The following RUNX2 variants were observed in gnomAD, a reference collection of about 807,000 sequenced individuals.
The protein encoded by RUNX2 is runt-related transcription factor 2.
A neutral mutation model predicts 51.7 loss-of-function variants in RUNX2; 10 were observed. The observed-to-expected ratio is 0.19, with a 90% CI of 0.12 to 0.33. The LOEUF (loss-of-function observed/expected upper bound fraction) is 0.33, where lower values mean the gene tolerates loss of function less well. Among genes scored for constraint, RUNX2 ranks in the 10% least tolerant of loss-of-function variants. The pLI, the probability that RUNX2 is intolerant of heterozygous loss-of-function variation, is 1.00. For synonymous variants in RUNX2, 276 were observed against 273.6 expected (o/e 1.01, Z -0.09); for missense variants, 562 against 691.3 (o/e 0.81, Z 2.10).
At chr6:45,424,381 C>T (rs895680967) in intron 3 of RUNX2, among the ~76,000 whole-genome samples, 2 of 152,194 alleles carry the variant, frequency 1.3e-5, no homozygotes, top group Admixed American at 1.3e-4. Context: ...TCCACACTCG[C>T]AAGACGCCAG....
intron 6 of RUNX2, among the ~76,000 whole-genome samples, chr6:45,508,923 G>A (rs1801060201): frequency 6.6e-6 from 1 of 152,144 alleles, no homozygotes; most frequent in African/African-American, 2.4e-5. Context: ...TGAGTACTAT[G>A]TGCAAGGCAT....
At chr6:45,467,295 T>A (rs564751584) in intron 5 of RUNX2, among the ~76,000 whole-genome samples, 1 of 152,326 alleles carries the variant, frequency 6.6e-6, no homozygotes. Flanking sequence ...TTACTTTTAT[T>A]TTTTGAGACG....
intron 2 of RUNX2, among the ~76,000 whole-genome samples, chr6:45,348,403 A>C (rs1327501636): frequency 6.6e-6 from 1 of 151,664 alleles, no homozygotes; most frequent in East Asian, 1.9e-4. Flanking sequence ...ACGGTGGCTC[A>C]CGCCTGTAAT....
At chr6:45,388,237 A>G (rs183721315) in intron 2 of RUNX2, among the ~76,000 whole-genome samples, 3 of 152,096 alleles carry the variant, frequency 2.0e-5, no homozygotes, top group Non-Finnish European at 1.5e-5. Flanking sequence ...GAAGCAGACC[A>G]TACCTAATGA....
At chr6:45,524,339 A>G (rs561231392) in intron 7 of RUNX2, among the ~76,000 whole-genome samples, 11 of 152,316 alleles carry the variant, frequency 7.2e-5, no homozygotes, top group African/African-American at 2.6e-4. Flanking sequence ...TTTTTTAAGT[A>G]GAAACATGCC....
At chr6:45,422,980 GC>G (rs775199416) in intron 3 of RUNX2, 23 bp downstream of exon 3, 1 of 1,603,218 alleles carries the variant, frequency 6.2e-7, no homozygotes, top group South Asian at 1.1e-5. Flanking sequence ...ACCGCCCCCC[GC>G]CCCCGGCCGG....
At chr6:45,469,766 C>T (rs759657599) in intron 5 of RUNX2, among the ~76,000 whole-genome samples, 5 of 152,148 alleles carry the variant, frequency 3.3e-5, no homozygotes, top group South Asian at 2.1e-4. Context: ...AAAGAGTAAG[C>T]GAGATTTCCA....
At chr6:45,409,999 G>C (rs1360933074) in intron 2 of RUNX2, among the ~76,000 whole-genome samples, 4 of 152,182 alleles carry the variant, frequency 2.6e-5, no homozygotes, top group Non-Finnish European at 4.4e-5. Flanking sequence ...TGGGGCAAGA[G>C]ATATCAGGAA....
intron 2 of RUNX2, among the ~76,000 whole-genome samples, chr6:45,370,155 T>G (rs1795812669): frequency 6.6e-6 from 1 of 152,166 alleles, no homozygotes; most frequent in African/African-American, 2.4e-5. Flanking sequence ...GAAGACCAGT[T>G]AGGAAGTTAT....
At chr6:45,347,899 A>C (rs1791215194) in intron 2 of RUNX2, among the ~76,000 whole-genome samples, 1 of 152,162 alleles carries the variant, frequency 6.6e-6, no homozygotes, top group Non-Finnish European at 1.5e-5. Context: ...GAATGTCAGT[A>C]TGGTTACCTG....
intron 5 of RUNX2, among the ~76,000 whole-genome samples, chr6:45,440,585 G>T (rs894589242): frequency 7.2e-5 from 11 of 152,224 alleles, no homozygotes; most frequent in African/African-American, 1.9e-4. Flanking sequence ...TACATTCATG[G>T]TCATGGCTAT....
chr6:45,519,649 G>GT (rs1315735758), intron 7 of RUNX2, among the ~76,000 whole-genome samples: 1 of 151,890 alleles, frequency 6.6e-6, no homozygotes, highest in African/African-American at 2.4e-5. Context: ...CATACAATAA[G>GT]TAAGTAGCTT....
chr6:45,445,622 T>C (rs1563090362), intron 5 of RUNX2, among the ~76,000 whole-genome samples: 1 of 152,172 alleles, frequency 6.6e-6, no homozygotes, highest in Non-Finnish European at 1.5e-5. Flanking sequence ...GTCTCCGAAG[T>C]GCCCAAGGAA....
intron 7 of RUNX2, among the ~76,000 whole-genome samples, chr6:45,528,363 G>A (rs574458148): frequency 1.3e-5 from 2 of 152,338 alleles, no homozygotes; most frequent in South Asian, 2.1e-4. Context: ...GCTCAAGCCT[G>A]TAATCCCAGC....
At chr6:45,503,030 C>G (rs984833062) in intron 6 of RUNX2, among the ~76,000 whole-genome samples, 5 of 152,184 alleles carry the variant, frequency 3.3e-5, no homozygotes, top group Non-Finnish European at 5.9e-5. Context: ...CTAAAGCCCT[C>G]TTAACCTCCC....
intron 2 of RUNX2, among the ~76,000 whole-genome samples, chr6:45,366,452 A>G (rs943417649): frequency 3.9e-5 from 6 of 152,246 alleles, no homozygotes; most frequent in African/African-American, 1.4e-4. Flanking sequence ...CAGTACTGAT[A>G]GCACACAGTG....
intron 2 of RUNX2, among the ~76,000 whole-genome samples, chr6:45,372,487 T>C (rs548736586): frequency 6.6e-6 from 1 of 152,222 alleles, no homozygotes; most frequent in Non-Finnish European, 1.5e-5. Context: ...AATTCAGTCA[T>C]AAAACCACTA....
At chr6:45,365,958 A>T (rs980374113) in intron 2 of RUNX2, among the ~76,000 whole-genome samples, 1 of 152,122 alleles carries the variant, frequency 6.6e-6, no homozygotes, top group African/African-American at 2.4e-5. Context: ...AATTAAGGTG[A>T]TGCATAATGA....
At chr6:45,341,037 A>G (rs896918959) in intron 2 of RUNX2, among the ~76,000 whole-genome samples, 1 of 152,208 alleles carries the variant, frequency 6.6e-6, no homozygotes. Flanking sequence ...GATATTCACA[A>G]AAATCCACTA....
Sources: gnomAD v4.1 joint callset for allele counts (sites outside exome capture counted in the v4.1 genomes callset) on GRCh38, gnomAD v4.1.1 for gene constraint, MANE v1.5 for transcripts, NCBI Gene and HGNC (gene_info 2026-07-23, HGNC 2026-07-21) for gene names.